The following AGBL4 variants were observed in gnomAD, a reference collection of about 807,000 sequenced individuals.
The protein encoded by AGBL4 is AGBL carboxypeptidase 4.
In AGBL4, 58 loss-of-function variants were observed where a neutral mutation model predicts 66.4. That is an observed-to-expected ratio of 0.87 (90% confidence interval 0.71 to 1.09). The LOEUF is 1.09. Ranked by LOEUF, AGBL4 falls within the 50% of genes least tolerant of loss-of-function variation. The pLI, the probability that AGBL4 is intolerant of heterozygous loss-of-function variation, is 0.00. For missense variants in AGBL4, 579 were observed against 631.0 expected (o/e 0.92, Z 0.88); for synonymous variants, 234 against 222.9 (o/e 1.05, Z -0.44).
At chr1:49,716,476 C>A (rs1648148401) in intron 2 of AGBL4, among the ~76,000 whole-genome samples, 1 of 151,764 alleles carries the variant, frequency 6.6e-6, no homozygotes, top group Non-Finnish European at 1.5e-5. Context: ...TAGTTTTTTT[C>A]TAATTGTGTG....
intron 5 of AGBL4, among the ~76,000 whole-genome samples, chr1:48,926,591 C>A (rs1190468828): frequency 6.6e-6 from 1 of 151,894 alleles, no homozygotes; most frequent in Non-Finnish European, 1.5e-5. Context: ...ACCGGCCAAC[C>A]ATGGATGATT....
chr1:48,676,073 A>G (rs1352346412), intron 6 of AGBL4, among the ~76,000 whole-genome samples: 1 of 152,238 alleles, frequency 6.6e-6, no homozygotes, highest in African/African-American at 2.4e-5. Flanking sequence ...TACCTGGGGT[A>G]CATGGAAGTA....
chr1:49,345,701 AG>A (rs1284824785), intron 3 of AGBL4, among the ~76,000 whole-genome samples: 6 of 152,194 alleles, frequency 3.9e-5, no homozygotes, highest in Non-Finnish European at 8.8e-5. Context: ...AATTGAGTAA[AG>A]TATACTCCTA....
chr1:49,455,819 C>T (rs190491589), intron 3 of AGBL4, among the ~76,000 whole-genome samples: 1 of 151,776 alleles, frequency 6.6e-6, no homozygotes, highest in African/African-American at 2.4e-5. Flanking sequence ...CCACACTTAC[C>T]TCACTGTTTT....
Position 49,022,699 on chromosome 1 carries a change from G to T in AGBL4, c.594+22885C>A, listed in dbSNP as rs190049465. Among the ~76,000 whole-genome samples, 579 of 152,076 alleles carry T rather than the reference G, an allele frequency of 3.8e-3. 3 individuals are homozygous for T. Among genetic ancestry groups the T allele is most frequent in the African/African-American group, 0.014 (563 of 41,482 alleles). On this transcript the variant is annotated intron_variant, in intron 5 of 13. Transcript: ENST00000371839. ...TTGACATGTGAACTTACTCTTCTTG[G>T]CAAAATAGATGGGTCCATCTGGAAG...
At chr1:49,648,820 C>A (rs1645944357) in intron 3 of AGBL4, among the ~76,000 whole-genome samples, 1 of 151,286 alleles carries the variant, frequency 6.6e-6, no homozygotes. Flanking sequence ...AATCTGTAGC[C>A]AGTAGACCTG....
chr1:48,678,343 CA>C (rs558528284), intron 6 of AGBL4, among the ~76,000 whole-genome samples: 75 of 152,308 alleles, frequency 4.9e-4, no homozygotes, highest in Admixed American at 2.4e-3. Context: ...TGCTTAGGAC[CA>C]AACTGGCTCC....
rs149313906 is a variant in AGBL4 at position 48,999,198 on chromosome 1, C to A, written c.594+46386G>T. The stretch of plus-strand genomic sequence containing the variant: ...ATGACCCTTAAGGTCCCTTCCATCC[C>A]TGAGAGTCTAGACTGCAGAAGAAAA... On this transcript the variant is annotated intron_variant, in intron 5 of 13. Coordinates refer to ENST00000371839, the MANE Select transcript of AGBL4 (RefSeq NM_032785.4). Among the ~76,000 whole-genome samples, 84 of 152,294 alleles carry A rather than the reference C, an allele frequency of 5.5e-4. 2 individuals are homozygous for A. In the East Asian group the frequency reaches 0.012, roughly 22 times the overall value.
intron 1 of AGBL4, among the ~76,000 whole-genome samples, chr1:49,992,440 C>G (rs1314430519): frequency 6.6e-6 from 1 of 151,790 alleles, no homozygotes; most frequent in African/African-American, 2.4e-5. Context: ...GGGGCCTTCT[C>G]ATTTAAATAC....
intron 3 of AGBL4, among the ~76,000 whole-genome samples, chr1:49,584,044 TCTC>T (rs1644599650): frequency 6.6e-6 from 1 of 152,150 alleles, no homozygotes; most frequent in Admixed American, 6.5e-5. Flanking sequence ...TTTTTTTCCT[TCTC>T]CTTATATTAT....
chr1:49,165,698 G>T (rs1340724100), intron 4 of AGBL4, among the ~76,000 whole-genome samples: 1 of 151,430 alleles, frequency 6.6e-6, no homozygotes, highest in Admixed American at 6.6e-5. Context: ...AGGAAAGGAG[G>T]GAGGATGGAA....
At chr1:49,972,609 A>G (rs1658225457) in intron 1 of AGBL4, among the ~76,000 whole-genome samples, 1 of 152,214 alleles carries the variant, frequency 6.6e-6, no homozygotes, top group African/African-American at 2.4e-5. Flanking sequence ...ATCATCTCAC[A>G]CCATCACAAG....
intron 5 of AGBL4, among the ~76,000 whole-genome samples, chr1:48,909,765 T>A (rs1282762889): frequency 6.6e-6 from 1 of 152,218 alleles, no homozygotes; most frequent in African/African-American, 2.4e-5. Context: ...ATACCATTCT[T>A]TTAGTACATG....
chr1:49,745,330 T>C (rs1427318717), intron 2 of AGBL4, among the ~76,000 whole-genome samples: 1 of 152,074 alleles, frequency 6.6e-6, no homozygotes, highest in Non-Finnish European at 1.5e-5. Flanking sequence ...ACTAAGCTAT[T>C]TTGAGACAGA....
intron 3 of AGBL4, among the ~76,000 whole-genome samples, chr1:49,321,172 C>G (rs1163025406): frequency 6.6e-6 from 1 of 152,162 alleles, no homozygotes; most frequent in Non-Finnish European, 1.5e-5. Flanking sequence ...ACCTACAGAA[C>G]CTACTTGGTC....
At chr1:49,518,111 A>G (rs900658500) in intron 3 of AGBL4, among the ~76,000 whole-genome samples, 2 of 152,110 alleles carry the variant, frequency 1.3e-5, no homozygotes, top group African/African-American at 4.8e-5. Context: ...GGGAAGCCAG[A>G]CAACTGAACA....
chr1:48,822,978 T>C (rs889606525), intron 6 of AGBL4, among the ~76,000 whole-genome samples: 9 of 152,218 alleles, frequency 5.9e-5, no homozygotes, highest in African/African-American at 2.2e-4. Context: ...CAAACCTAGG[T>C]CTCATGGTCC....
chr1:49,036,662 T>A (rs1170141599), intron 5 of AGBL4, among the ~76,000 whole-genome samples: 3 of 151,538 alleles, frequency 2.0e-5, no homozygotes, highest in Non-Finnish European at 4.4e-5. Context: ...ACTCCTGGGC[T>A]CAAGCAATCT....
chr1:49,745,627 C>T (rs1033867965), intron 2 of AGBL4, among the ~76,000 whole-genome samples: 2 of 151,734 alleles, frequency 1.3e-5, no homozygotes, highest in Admixed American at 1.3e-4. Context: ...AAAAAAAGGA[C>T]ATTTATGATG....
Sources: allele counts gnomAD v4.1 joint callset (sites outside exome capture counted in the v4.1 genomes callset), GRCh38; gene constraint gnomAD v4.1.1; transcripts MANE v1.5; gene names NCBI Gene and HGNC (gene_info 2026-07-23, HGNC 2026-07-21).